PALD1: variants seen among roughly 807,000 people sequenced by gnomAD.
PALD1 encodes the protein phosphatase domain containing paladin 1, also known as paladin.
PALD1 carries 57 observed loss-of-function variants against 96.0 expected under a neutral mutation model. The observed-to-expected ratio is 0.59, with a 90% confidence interval of 0.48 to 0.74. PALD1 has a LOEUF of 0.74. PALD1 is among the 30% of genes least tolerant of loss of function. The pLI is 0.00. For synonymous variants in PALD1, 464 were observed against 473.6 expected, an observed-to-expected ratio of 0.98 and a Z score of 0.26; for missense variants, 1,063 against 1,143.7, an observed-to-expected ratio of 0.93 and a Z score of 1.02.
chr10:70,563,855 C>T (rs1419988503), intron 18 of PALD1, among the ~76,000 whole-genome samples: 3 of 152,188 alleles, frequency 2.0e-5, no homozygotes, highest in Non-Finnish European at 4.4e-5. Flanking sequence ...CCCCTGCCAT[C>T]GGCGCCTCCC....
At chr10:70,498,004 C>A (rs34457224) in intron 1 of PALD1, among the ~76,000 whole-genome samples, 55,040 of 151,694 alleles carry the variant, frequency 0.36, 11,630 homozygotes, top group Non-Finnish European at 0.49. Flanking sequence ...ATATTGTGCA[C>A]CCATCACCAC....
intron 1 of PALD1, among the ~76,000 whole-genome samples, chr10:70,479,697 A>T (rs753309092): frequency 1.3e-5 from 2 of 152,132 alleles, no homozygotes; most frequent in Non-Finnish European, 2.9e-5. Context: ...GTTGTCAGAG[A>T]TGGGAGTAAA....
At chr10:70,462,355 T>C in the PALD1 span, among the ~76,000 whole-genome samples, 1 of 152,248 alleles carries the variant, frequency 6.6e-6, no homozygotes, top group Non-Finnish European at 1.5e-5. Flanking sequence ...AACTAATCTA[T>C]GCCTCCCCTG....
At chr10:70,537,094 T>C (rs1239410102) in intron 10 of PALD1, among the ~76,000 whole-genome samples, 1 of 152,046 alleles carries the variant, frequency 6.6e-6, no homozygotes, top group Admixed American at 6.5e-5. Flanking sequence ...TGTATTTTCT[T>C]GTGGAGAGGC....
chr10:70,554,913 TCTCCTCCCCTCCCCCTCCTC>T (rs1847562481), intron 18 of PALD1, among the ~76,000 whole-genome samples: 5 of 14,032 alleles, frequency 3.6e-4, no homozygotes, highest in South Asian at 4.3e-3. Flanking sequence ...TCCCCTCCCC[TCTCCTCCCCTCCCCCTCCTC>T]CCCCTCCCCT....
At chr10:70,496,576 G>A (rs376922943) in intron 1 of PALD1, among the ~76,000 whole-genome samples, 7 of 152,356 alleles carry the variant, frequency 4.6e-5, no homozygotes, top group Admixed American at 2.0e-4. Context: ...GGAGTCACCC[G>A]TGTCGCTGCA....
intron 1 of PALD1, among the ~76,000 whole-genome samples, chr10:70,499,138 G>A (rs763797887): frequency 8.5e-5 from 13 of 152,118 alleles, no homozygotes; most frequent in East Asian, 1.9e-4. Context: ...AGAGAAGTTC[G>A]GTAACTTAGC....
chr10:70,559,637 A>G (rs562348858), intron 18 of PALD1, among the ~76,000 whole-genome samples: 53 of 152,104 alleles, frequency 3.5e-4, no homozygotes, highest in Non-Finnish European at 6.5e-4. Flanking sequence ...AGGTTTCCTG[A>G]CTGACTGGCC....
chr10:70,504,155 C>T (rs1028289998), intron 1 of PALD1, among the ~76,000 whole-genome samples: 11 of 152,224 alleles, frequency 7.2e-5, no homozygotes, highest in Non-Finnish European at 1.0e-4. Context: ...TAAAAATTGA[C>T]GACTCTAAGA....
intron 12 of PALD1, among the ~76,000 whole-genome samples, chr10:70,538,637 A>C (rs1167817197): frequency 6.6e-6 from 1 of 152,166 alleles, no homozygotes; most frequent in Non-Finnish European, 1.5e-5. Flanking sequence ...TCTCAAACCC[A>C]AGAGCTCTGG....
intron 1 of PALD1, among the ~76,000 whole-genome samples, chr10:70,482,863 G>A (rs576528571): frequency 6.6e-6 from 1 of 152,244 alleles, no homozygotes; most frequent in South Asian, 2.1e-4. Context: ...TGGCTCCTAG[G>A]AAGTACTCAG....
intron 1 of PALD1, among the ~76,000 whole-genome samples, chr10:70,483,572 G>T (rs904281510): frequency 1.3e-5 from 2 of 152,280 alleles, no homozygotes; most frequent in African/African-American, 2.4e-5. Flanking sequence ...CATGGGAGGG[G>T]AGAGGGGTGG....
At chr10:70,555,404 G>T (rs1232523477) in intron 18 of PALD1, among the ~76,000 whole-genome samples, 1 of 152,206 alleles carries the variant, frequency 6.6e-6, no homozygotes, top group Non-Finnish European at 1.5e-5. Context: ...TTTGTGATTG[G>T]CTGGAGGCTG....
intron 18 of PALD1, among the ~76,000 whole-genome samples, chr10:70,554,142 C>T (rs1310261766): frequency 1.3e-5 from 2 of 152,236 alleles, no homozygotes; most frequent in Non-Finnish European, 2.9e-5. Flanking sequence ...TAAGAACTGC[C>T]TCAAGGCCAT....
chr10:70,473,753 C>T, the PALD1 span, among the ~76,000 whole-genome samples: 3 of 152,106 alleles, frequency 2.0e-5, no homozygotes, highest in East Asian at 5.8e-4. Flanking sequence ...TCAAGCGATG[C>T]TCGTGCCTCA....
intron 1 of PALD1, among the ~76,000 whole-genome samples, chr10:70,509,916 G>A (rs575005140): frequency 4.8e-4 from 73 of 152,324 alleles, no homozygotes; most frequent in African/African-American, 1.7e-3. Flanking sequence ...GAATTCAGCC[G>A]CTGAAATGTC....
At chr10:70,495,147 G>T (rs1846168812) in intron 1 of PALD1, among the ~76,000 whole-genome samples, 1 of 152,358 alleles carries the variant, frequency 6.6e-6, no homozygotes, top group African/African-American at 2.4e-5. Flanking sequence ...TCCCTCTGCT[G>T]CCGGGCATGT....
chr10:70,485,150 GTTATC>G (rs1845996621), intron 1 of PALD1, among the ~76,000 whole-genome samples: 2 of 146,988 alleles, frequency 1.4e-5, no homozygotes, highest in African/African-American at 5.0e-5. Flanking sequence ...TCTTAGCAAT[GTTATC>G]TTATTATTAA....
chr10:70,534,813 A>G lies in PALD1; in HGVS notation c.1197A>G (p.Leu399=). The G allele has an allele frequency of 3.7e-6, 6 of 1,612,416 alleles. No individual in the cohort carries two copies. The highest frequency in any genetic ancestry group is 5.1e-6 in the Non-Finnish European group (6 of 1,179,154). Residue 399 remains leucine (L), a synonymous_variant, in exon 10 of 20, where the codon TTA becomes TTG. Coordinates refer to ENST00000263563, the MANE Select transcript of PALD1 (RefSeq NM_014431.3). ...KEVVLENQKK[L]EGIRPESPAQ... The stretch of plus-strand genomic sequence containing the variant: ...TGGTCTTGGAAAACCAGAAGAAGTT[A>G]GAAGGTATCCGACCGGAGAGCCCAG...
Sources: gnomAD v4.1 joint callset for allele counts (sites outside exome capture counted in the v4.1 genomes callset) on GRCh38, gnomAD v4.1.1 for gene constraint, MANE v1.5 for transcripts, NCBI Gene and HGNC (gene_info 2026-07-23, HGNC 2026-07-21) for gene names.